BMPR1A: variants seen among roughly 807,000 people sequenced by gnomAD.
BMPR1A encodes bone morphogenetic protein receptor type-1A.
A neutral mutation model predicts 66.0 loss-of-function variants in BMPR1A; 7 were observed. The observed-to-expected ratio is 0.11, with a 90% CI of 0.06 to 0.20. The LOEUF (loss-of-function observed/expected upper bound fraction) is 0.20. BMPR1A is among the 10% of genes least tolerant of loss of function. The pLI is 1.00. For missense variants in BMPR1A, 408 were observed against 669.1 expected (o/e 0.61, Z 4.31); for synonymous variants, 200 against 229.7 (o/e 0.87, Z 1.17).
chr10:86,820,195 CCCATG>C, intron 1 of BMPR1A, among the ~76,000 whole-genome samples: 1 of 152,104 alleles, frequency 6.6e-6, no homozygotes, highest in Middle Eastern at 3.4e-3. Flanking sequence ...GGATTATGCC[CCCATG>C]CCTGGCTGTT....
At chr10:86,808,036 C>T (rs1841916323) in intron 1 of BMPR1A, among the ~76,000 whole-genome samples, 1 of 152,098 alleles carries the variant, frequency 6.6e-6, no homozygotes, top group Admixed American at 6.6e-5. Flanking sequence ...CTCATTTGGG[C>T]CTGTTGTTTT....
At chr10:86,757,818 T>G (rs891972082) in intron 1 of BMPR1A, among the ~76,000 whole-genome samples, 1 of 152,146 alleles carries the variant, frequency 6.6e-6, no homozygotes, top group Non-Finnish European at 1.5e-5. Context: ...AACTAACTTG[T>G]CTAAGGGAGC....
Position 86,878,930 on chromosome 10 carries a change from T to A in BMPR1A, c.67+2845T>A, listed in dbSNP as rs11202244. Among the ~76,000 whole-genome samples the A allele has an allele frequency of 8.6e-3, 1,313 of 152,248 alleles. 26 individuals carry two copies. The highest frequency in any genetic ancestry group is 0.08 in the South Asian group (384 of 4,808). On this transcript the variant is annotated intron_variant, in intron 3 of 12. Transcript: ENST00000372037. The stretch of plus-strand genomic sequence containing the variant: ...ACAATTAAAAGGATCTGGGAGAGAT[T>A]TAATTTTTTCCATCAATTAGAATGT...
At chr10:86,890,888 C>G (rs1274330556) in intron 4 of BMPR1A, among the ~76,000 whole-genome samples, 1 of 152,070 alleles carries the variant, frequency 6.6e-6, no homozygotes, top group African/African-American at 2.4e-5. Context: ...GTTAGCTGCA[C>G]AACATGTTTA....
intron 5 of BMPR1A, 94 bp from the exon 6 acceptor site, chr10:86,899,700 C>G: frequency 7.7e-7 from 1 of 1,291,152 alleles, no homozygotes; most frequent in Middle Eastern, 2.2e-4. Context: ...CCCTTTCACT[C>G]ACTGAAATAG....
intron 1 of BMPR1A, among the ~76,000 whole-genome samples, chr10:86,819,092 C>T (rs1432585835): frequency 6.6e-6 from 1 of 152,132 alleles, no homozygotes; most frequent in Non-Finnish European, 1.5e-5. Context: ...TCAGCTCTTA[C>T]CTCTGTATCT....
At chr10:86,863,665 G>C (rs1589751587) in intron 2 of BMPR1A, among the ~76,000 whole-genome samples, 2 of 152,194 alleles carry the variant, frequency 1.3e-5, no homozygotes, top group East Asian at 3.9e-4. Flanking sequence ...CAGTTTCTGG[G>C]ACTGCCTTAT....
chr10:86,866,076 A>G (rs1362293481), intron 2 of BMPR1A, among the ~76,000 whole-genome samples: 1 of 152,180 alleles, frequency 6.6e-6, no homozygotes, highest in Non-Finnish European at 1.5e-5. Flanking sequence ...AAATTGGGAA[A>G]AAGAAAGTCC....
intron 1 of BMPR1A, among the ~76,000 whole-genome samples, chr10:86,762,180 T>C (rs1171156068): frequency 6.6e-6 from 1 of 152,206 alleles, no homozygotes; most frequent in African/African-American, 2.4e-5. Context: ...TCAAATGATA[T>C]AATTAATTGA....
At chr10:86,815,765 C>T (rs1842028894) in intron 1 of BMPR1A, among the ~76,000 whole-genome samples, 1 of 152,214 alleles carries the variant, frequency 6.6e-6, no homozygotes, top group Non-Finnish European at 1.5e-5. Flanking sequence ...CTTCTTAGTG[C>T]TCGTCCACAT....
chr10:86,906,999 T>C (rs1333875421), intron 7 of BMPR1A, among the ~76,000 whole-genome samples: 1 of 152,144 alleles, frequency 6.6e-6, no homozygotes, highest in African/African-American at 2.4e-5. Context: ...ATTCTTCATC[T>C]TTAATAGCAT....
intron 1 of BMPR1A, among the ~76,000 whole-genome samples, chr10:86,779,576 A>G (rs1362810523): frequency 6.6e-6 from 1 of 151,982 alleles, no homozygotes; most frequent in Non-Finnish European, 1.5e-5. Context: ...TTTGATTTGC[A>G]TTTCCCTGAT....
intron 10 of BMPR1A, among the ~76,000 whole-genome samples, chr10:86,920,126 A>T (rs988807147): frequency 6.6e-6 from 1 of 152,206 alleles, no homozygotes; most frequent in African/African-American, 2.4e-5. Context: ...TCAGTTGATT[A>T]TGAAAAGGTT....
At chr10:86,907,551 T>C (rs1394864825) in intron 7 of BMPR1A, among the ~76,000 whole-genome samples, 1 of 124,694 alleles carries the variant, frequency 8.0e-6, no homozygotes, top group Non-Finnish European at 1.6e-5. Flanking sequence ...CTATTCATAA[T>C]GGCCAAGATG....
chr10:86,781,575 A>G (rs963761289), intron 1 of BMPR1A, among the ~76,000 whole-genome samples: 1 of 152,136 alleles, frequency 6.6e-6, no homozygotes, highest in African/African-American at 2.4e-5. Flanking sequence ...GTATTTTGAT[A>G]GGGATTGCAT....
intron 9 of BMPR1A, among the ~76,000 whole-genome samples, 181 bp from the exon 10 acceptor site, chr10:86,918,990 GA>G (rs1843617139): frequency 2.6e-5 from 4 of 152,190 alleles, no homozygotes; most frequent in Non-Finnish European, 2.9e-5. Context: ...TAGAAGTACA[GA>G]TATATGTGTA....
In BMPR1A at chr10:86,761,943, A is replaced by G. The variant is rs576294357; in HGVS notation, c.-268+5024A>G. Among the ~76,000 whole-genome samples, 104 of 152,348 alleles carry G rather than the reference A, an allele frequency of 6.8e-4. 1 individual carries two copies. The highest frequency in any genetic ancestry group is 5.6e-3 in the South Asian group (27 of 4,828). On this transcript the variant is annotated intron_variant, in intron 1 of 12. Coordinates refer to ENST00000372037, the MANE Select transcript of BMPR1A (RefSeq NM_004329.3). ...AGGGATTTCCACTTGGCAGTTGTCT[A>G]TATGGGTCTGGGGTTTGACAGAGGT...
chr10:86,896,602 T>A (rs563970574), intron 5 of BMPR1A, among the ~76,000 whole-genome samples: 1 of 152,304 alleles, frequency 6.6e-6, no homozygotes, highest in Non-Finnish European at 1.5e-5. Context: ...AAGCATTTGT[T>A]CATTTATTCT....
intron 1 of BMPR1A, among the ~76,000 whole-genome samples, chr10:86,759,694 G>A (rs1841001100): frequency 6.6e-6 from 1 of 152,158 alleles, no homozygotes; most frequent in African/African-American, 2.4e-5. Flanking sequence ...CATAAAACGA[G>A]TTGGGCAGCT....
Sources: gnomAD v4.1 joint callset for allele counts (sites outside exome capture counted in the v4.1 genomes callset) on GRCh38, gnomAD v4.1.1 for gene constraint, MANE v1.5 for transcripts, NCBI Gene and HGNC (gene_info 2026-07-23, HGNC 2026-07-21) for gene names.